Variants in TBCD observed in about 807,000 individuals in gnomAD.
The protein encoded by TBCD is tubulin-specific chaperone D.
TBCD carries 105 observed loss-of-function variants against 169.3 expected under a neutral mutation model. The observed-to-expected ratio is 0.62, with a 90% CI of 0.53 to 0.73. The LOEUF (loss-of-function observed/expected upper bound fraction) is 0.73. Among genes scored for constraint, TBCD ranks in the 30% least tolerant of loss-of-function variants. The pLI is 0.00. For missense variants in TBCD, 1,444 were observed against 1,600.1 expected (o/e 0.90, Z 1.66); for synonymous variants, 700 against 643.9 (o/e 1.09, Z -1.32).
chr17:82,911,413 C>G (rs2060633557), intron 22 of TBCD, among the ~76,000 whole-genome samples: 1 of 152,196 alleles, frequency 6.6e-6, no homozygotes, highest in Admixed American at 6.5e-5. Flanking sequence ...CACTGCTTCT[C>G]TAGGCTGGAT....
intron 2 of TBCD, among the ~76,000 whole-genome samples, chr17:82,761,874 C>T (rs1281639396): frequency 1.3e-5 from 2 of 151,572 alleles, no homozygotes; most frequent in African/African-American, 4.8e-5. Context: ...TACGGGTGCC[C>T]GCCAACACAC....
chr17:82,940,499 C>T (rs559130654), intron 37 of TBCD, among the ~76,000 whole-genome samples: 1 of 152,208 alleles, frequency 6.6e-6, no homozygotes, highest in East Asian at 1.9e-4. Flanking sequence ...GGTGTCTCCT[C>T]GGAACAGTGA....
rs1160789893 is a variant in TBCD at position 82,833,491 on chromosome 17, A to G, written c.1318+18557A>G. On this transcript the variant is annotated intron_variant, in intron 13 of 38. Coordinates refer to ENST00000355528, the MANE Select transcript of TBCD (RefSeq NM_005993.5). This position sits in a 1 kb window ranked among gnomAD's most constrained non-coding sequence, Gnocchi z 4.7. ...TTATGTTGTCTCAGATATGAATACA[A>G]ATGCTATATTTATGTTGACTTAAAT... Among the ~76,000 whole-genome samples the G allele has an allele frequency of 6.6e-6, 1 of 152,186 alleles. No homozygotes were observed. Among genetic ancestry groups the G allele is most frequent in the Non-Finnish European group, 1.5e-5 (1 of 68,042 alleles).
At chr17:82,847,356 GAAAAAAAAAAAAAA>G (rs1041994030) in intron 13 of TBCD, among the ~76,000 whole-genome samples, 2 of 81,756 alleles carry the variant, frequency 2.4e-5, no homozygotes, top group Non-Finnish European at 4.7e-5. Flanking sequence ...CCATGTCAAA[GAAAAAAAAAAAAAA>G]AAAAAAAAAG....
rs757808218 is a variant in TBCD at position 82,932,710 on chromosome 17, T to C, written c.3166T>C (p.Phe1056Leu). The C allele has an allele frequency of 3.1e-6, 5 of 1,613,872 alleles. No homozygotes were observed. The South Asian group carries it at 4.4e-5, about 14-fold the overall frequency. ...TLDHVLTHGC[F>L]DIFTTEEDHP... is the part of the protein sequence containing the mutation. ...GGACCACGTGCTCACCCACGGCTGCTTCGACATCTTCACCACGGAGGAGGA... is the reference window on the plus strand; with the variant it reads ...GGACCACGTGCTCACCCACGGCTGCCTCGACATCTTCACCACGGAGGAGGA... Residue 1056 changes from phenylalanine (F) to leucine (L), a missense_variant, in exon 34 of 39, where the codon TTC becomes CTC. Coordinates refer to ENST00000355528, the MANE Select transcript of TBCD (RefSeq NM_005993.5).
intron 14 of TBCD, among the ~76,000 whole-genome samples, chr17:82,875,100 G>T (rs971154994): frequency 6.6e-6 from 1 of 152,188 alleles, no homozygotes; most frequent in African/African-American, 2.4e-5. Context: ...TTTTGCTAAA[G>T]AAACTTGGAT....
chr17:82,855,546 G>A (rs2056203567), intron 13 of TBCD, among the ~76,000 whole-genome samples: 1 of 152,034 alleles, frequency 6.6e-6, no homozygotes, highest in African/African-American at 2.4e-5. Context: ...GGGATTACAG[G>A]TGTGAGCCAC....
intron 17 of TBCD, among the ~76,000 whole-genome samples, chr17:82,894,513 G>A (rs938688340): frequency 7.9e-5 from 12 of 152,140 alleles, no homozygotes; most frequent in African/African-American, 1.7e-4. Flanking sequence ...CAGAAAGGAC[G>A]TTTCTCCGTC....
intron 7 of TBCD, among the ~76,000 whole-genome samples, chr17:82,790,552 G>C (rs1002320705): frequency 2.0e-5 from 3 of 152,136 alleles, no homozygotes; most frequent in African/African-American, 4.8e-5. Context: ...GTGGCAGGTG[G>C]CTCTCAGCCA....
intron 13 of TBCD, among the ~76,000 whole-genome samples, chr17:82,868,189 T>C (rs1275428598): frequency 6.6e-6 from 1 of 152,142 alleles, no homozygotes; most frequent in Non-Finnish European, 1.5e-5. Context: ...GGCCCTGAGC[T>C]GCACCCAAGG....
At chr17:82,801,102 G>T (rs1007529344) in intron 9 of TBCD, 106 bp downstream of exon 9, 1 of 1,142,704 alleles carries the variant, frequency 8.8e-7, no homozygotes, top group African/African-American at 1.7e-5. Context: ...GTTGGGGCAG[G>T]TGCTGTGGGG....
At chr17:82,758,750 C>G (rs1204938330) in intron 2 of TBCD, among the ~76,000 whole-genome samples, 1 of 147,986 alleles carries the variant, frequency 6.8e-6, no homozygotes, top group African/African-American at 2.5e-5. Context: ...ACTTCTGCCT[C>G]CAGGGTTCAA....
At chr17:82,770,213 C>T (rs998943802) in intron 5 of TBCD, among the ~76,000 whole-genome samples, 3 of 152,196 alleles carry the variant, frequency 2.0e-5, no homozygotes, top group Admixed American at 6.5e-5. Context: ...CCCTCATAAT[C>T]GTTAAGGGAA....
At position 82,782,388 on chromosome 17, in the gene TBCD, G is replaced by C. The variant is rs943358618; in HGVS notation, c.771+667G>C. Among the ~76,000 whole-genome samples the C allele has an allele frequency of 1.3e-5, 2 of 152,222 alleles. No homozygotes were observed. The highest frequency in any genetic ancestry group is 1.3e-4 in the Admixed American group (2 of 15,284). Reference sequence around the variant, plus strand: ...GCCGGCTGTGGCCTTTGGCGTGGTGGGTTCAGCGCCTTCTTCTCTCTTTAA... The same window carrying C: ...GCCGGCTGTGGCCTTTGGCGTGGTGCGTTCAGCGCCTTCTTCTCTCTTTAA... On this transcript the variant is annotated intron_variant, in intron 7 of 38. Coordinates refer to ENST00000355528, the MANE Select transcript of TBCD (RefSeq NM_005993.5). This position sits in a 1 kb window ranked among gnomAD's most constrained non-coding sequence, Gnocchi z 5.1.
At chr17:82,921,125 C>G (rs1230651762) in intron 24 of TBCD, 1 of 288,248 alleles carries the variant, frequency 3.5e-6, no homozygotes, top group East Asian at 7.6e-5. Flanking sequence ...ATTGAATAGC[C>G]TTCACATTTG....
intron 14 of TBCD, among the ~76,000 whole-genome samples, chr17:82,881,458 A>G (rs1461961560): frequency 6.6e-6 from 1 of 152,196 alleles, no homozygotes; most frequent in African/African-American, 2.4e-5. Context: ...TGGAGCAGCC[A>G]GCGGGGAGAG....
chr17:82,907,358 C>G (rs150474114), intron 20 of TBCD, among the ~76,000 whole-genome samples: 4 of 152,284 alleles, frequency 2.6e-5, no homozygotes, highest in African/African-American at 9.6e-5. Flanking sequence ...CCCTAACATC[C>G]TCTTCCTTTG....
rs1286973265 is a variant in TBCD, at chr17:82,789,684, A to T, written c.771+7963A>T. ...TAGAGGCACCTTCCCTCTAAGGCAGATGTCCCTCAGGCTTTGGTCCTGGCT... is the reference window on the plus strand; with the variant it reads ...TAGAGGCACCTTCCCTCTAAGGCAGTTGTCCCTCAGGCTTTGGTCCTGGCT... On this transcript the variant is annotated intron_variant, in intron 7 of 38. Coordinates refer to ENST00000355528, the MANE Select transcript of TBCD (RefSeq NM_005993.5). This position sits in a 1 kb window ranked among gnomAD's most constrained non-coding sequence, Gnocchi z 4.8. 2.0e-5 allele frequency among the ~76,000 whole-genome samples: 3 copies of T among 152,192 alleles called. No individual in the cohort carries two copies. Among genetic ancestry groups the T allele is most frequent in the Non-Finnish European group, 4.4e-5 (3 of 68,030 alleles).
intron 1 of TBCD, among the ~76,000 whole-genome samples, chr17:82,755,496 G>A (rs1168369135): frequency 6.6e-6 from 1 of 152,176 alleles, no homozygotes; most frequent in Non-Finnish European, 1.5e-5. Flanking sequence ...TCTGTCATGT[G>A]ATGCTGTACT....
Sources: gnomAD v4.1 joint callset for allele counts (sites outside exome capture counted in the v4.1 genomes callset) on GRCh38, gnomAD v4.1.1 for gene constraint, Gnocchi (gnomAD v3.1) non-coding constraint, MANE v1.5 for transcripts, NCBI Gene and HGNC (gene_info 2026-07-23, HGNC 2026-07-21) for gene names.